The following DLEU7 variants were observed in gnomAD, a reference collection of about 807,000 sequenced individuals.
The protein encoded by DLEU7 is deleted in lymphocytic leukemia 7, also known as leukemia-associated protein 7.
Under a neutral mutation model 16.0 loss-of-function variants are expected in DLEU7, and 17 were observed. The observed-to-expected ratio is 1.06, with a 90% CI of 0.73 to 1.59. DLEU7 has a LOEUF of 1.59. Ranked by LOEUF, DLEU7 falls within the 40% of genes most tolerant of loss-of-function variation. DLEU7 has a pLI of 0.00. For synonymous variants in DLEU7, 113 were observed against 139.8 expected (o/e 0.81, Z 1.35); for missense variants, 308 against 314.9 (o/e 0.98, Z 0.17).
intron 1 of DLEU7, among the ~76,000 whole-genome samples, chr13:50,777,359 C>T (rs763560197): frequency 6.6e-6 from 1 of 152,064 alleles, no homozygotes; most frequent in South Asian, 2.1e-4. Flanking sequence ...CAGCATGGCC[C>T]GGATAAAGCA....
At chr13:50,794,073 A>G (rs7326399) in intron 1 of DLEU7, among the ~76,000 whole-genome samples, 64,543 of 151,962 alleles carry the variant, frequency 0.42, 14,039 homozygotes, top group African/African-American at 0.52. Flanking sequence ...GCATATGGAT[A>G]GACATGGTTT....
At chr13:50,764,645 G>A (rs934537439) in intron 1 of DLEU7, among the ~76,000 whole-genome samples, 1 of 152,176 alleles carries the variant, frequency 6.6e-6, no homozygotes, top group Non-Finnish European at 1.5e-5. Flanking sequence ...ATTCATAGAA[G>A]ACTGAACAAA....
At chr13:50,745,396 G>C (rs887088569) in intron 1 of DLEU7, among the ~76,000 whole-genome samples, 1 of 139,340 alleles carries the variant, frequency 7.2e-6, no homozygotes, top group Admixed American at 7.0e-5. Context: ...ATGGTTATCA[G>C]GGGCTGGGAG....
At chr13:50,721,885 A>T (rs1018069362) in intron 1 of DLEU7, among the ~76,000 whole-genome samples, 3 of 152,260 alleles carry the variant, frequency 2.0e-5, no homozygotes, top group African/African-American at 7.2e-5. Flanking sequence ...TGCAAATTTT[A>T]AAGAGATTTA....
At chr13:50,805,855 T>C (rs1423403909) in intron 1 of DLEU7, among the ~76,000 whole-genome samples, 1 of 152,222 alleles carries the variant, frequency 6.6e-6, no homozygotes, top group Admixed American at 6.5e-5. Context: ...AAAGTTTTAT[T>C]GGAATATAGA....
intron 1 of DLEU7, among the ~76,000 whole-genome samples, chr13:50,803,602 T>C (rs1351212735): frequency 6.6e-6 from 1 of 152,152 alleles, no homozygotes; most frequent in Non-Finnish European, 1.5e-5. Context: ...ATCTTATTTA[T>C]AATATTTTGT....
chr13:50,713,618 G>T (rs1007748068), intron 1 of DLEU7, among the ~76,000 whole-genome samples: 5 of 152,114 alleles, frequency 3.3e-5, no homozygotes, highest in Non-Finnish European at 7.4e-5. Flanking sequence ...GTGAGCTCTT[G>T]ACAGGAAAGG....
intron 1 of DLEU7, among the ~76,000 whole-genome samples, chr13:50,732,411 C>CA (rs1873936145): frequency 1.3e-5 from 2 of 151,970 alleles, no homozygotes; most frequent in Non-Finnish European, 1.5e-5. Context: ...GAGCTCGAGA[C>CA]CAGCCTGGCC....
chr13:50,713,289 A>G (rs1176778392), intron 1 of DLEU7: 1 of 1,578,362 alleles, frequency 6.3e-7, no homozygotes, highest in Non-Finnish European at 8.6e-7. Context: ...TGCATTTTTT[A>G]TATTCATTGA....
intron 1 of DLEU7, among the ~76,000 whole-genome samples, chr13:50,773,655 G>C (rs927662748): frequency 6.6e-6 from 1 of 151,992 alleles, no homozygotes; most frequent in African/African-American, 2.4e-5. Context: ...CTTCATCTCA[G>C]TGGGGCATCC....
intron 1 of DLEU7, chr13:50,719,764 A>G (rs1046271056): frequency 6.6e-6 from 1 of 152,260 alleles, no homozygotes; most frequent in Non-Finnish European, 1.5e-5. Flanking sequence ...TGGTTTAGTT[A>G]GCAAGTTAGA....
chr13:50,746,458 T>G (rs1874398799), intron 1 of DLEU7, among the ~76,000 whole-genome samples: 2 of 152,314 alleles, frequency 1.3e-5, no homozygotes, highest in African/African-American at 2.4e-5. Flanking sequence ...TGGATAAATT[T>G]AATTTCCTGA....
chr13:50,843,768 C>T, upstream of DLEU7: 1 of 1,340,246 alleles, frequency 7.5e-7, no homozygotes, highest in South Asian at 1.4e-5. This position sits in a 1 kb window ranked among gnomAD's most constrained non-coding sequence, Gnocchi z 5.7. Context: ...CTGGGTCTCA[C>T]AGCGTGTGTG....
intron 1 of DLEU7, among the ~76,000 whole-genome samples, chr13:50,742,403 A>G (rs1874275208): frequency 6.6e-6 from 1 of 152,208 alleles, no homozygotes; most frequent in African/African-American, 2.4e-5. Context: ...AAGAAACCCT[A>G]AAATGGCGTA....
intron 1 of DLEU7, among the ~76,000 whole-genome samples, chr13:50,780,407 T>G (rs1875620371): frequency 6.6e-6 from 1 of 152,236 alleles, no homozygotes; most frequent in African/African-American, 2.4e-5. Flanking sequence ...TGTTTTTTAC[T>G]AACGACTCAT....
intron 1 of DLEU7, among the ~76,000 whole-genome samples, chr13:50,721,747 G>A (rs1182187706): frequency 6.6e-6 from 1 of 152,154 alleles, no homozygotes; most frequent in Non-Finnish European, 1.5e-5. Flanking sequence ...GCCAACCCTT[G>A]CAAGGCAGCA....
intron 1 of DLEU7, among the ~76,000 whole-genome samples, chr13:50,713,888 G>A (rs995216251): frequency 1.3e-5 from 2 of 152,164 alleles, no homozygotes; most frequent in Admixed American, 6.5e-5. Flanking sequence ...ACATCATTCC[G>A]CAGATGTGAA....
At chr13:50,778,949 A>G (rs548007317) in intron 1 of DLEU7, among the ~76,000 whole-genome samples, 1 of 152,332 alleles carries the variant, frequency 6.6e-6, no homozygotes, top group African/African-American at 2.4e-5. Flanking sequence ...CCATGTATAA[A>G]TCTCTAGCCT....
intron 1 of DLEU7, among the ~76,000 whole-genome samples, chr13:50,815,060 T>C (rs1166138440): frequency 6.6e-6 from 1 of 151,996 alleles, no homozygotes; most frequent in Non-Finnish European, 1.5e-5. Flanking sequence ...AATATTAAAG[T>C]GTCTGAGTTA....
Sources: gnomAD v4.1 joint callset for allele counts (sites outside exome capture counted in the v4.1 genomes callset) on GRCh38, gnomAD v4.1.1 for gene constraint, Gnocchi (gnomAD v3.1) non-coding constraint, MANE v1.5 for transcripts, NCBI Gene and HGNC (gene_info 2026-07-23, HGNC 2026-07-21) for gene names.